Variants in EEIG2 observed in about 807,000 individuals in gnomAD.
EEIG2 encodes family with sequence similarity 102 member B.
chr1:108,628,753 G>A, the EEIG2 span: 2 of 1,613,444 alleles, frequency 1.2e-6, no homozygotes, highest in African/African-American at 1.3e-5. Context: ...AGATGACATT[G>A]TAGAGAAAAT....
At chr1:108,590,386 T>G in the EEIG2 span, among the ~76,000 whole-genome samples, 1 of 152,240 alleles carries the variant, frequency 6.6e-6, no homozygotes, top group African/African-American at 2.4e-5. Context: ...AATCTTTCCT[T>G]ATAAATTTGA....
the EEIG2 span, among the ~76,000 whole-genome samples, chr1:108,609,297 T>C: frequency 1.3e-5 from 2 of 152,158 alleles, no homozygotes; most frequent in Admixed American, 6.5e-5. Context: ...TCCCCTGCAT[T>C]TGTGGAGCTT....
chr1:108,614,750 C>T, the EEIG2 span, among the ~76,000 whole-genome samples: 2 of 152,188 alleles, frequency 1.3e-5, no homozygotes, highest in African/African-American at 4.8e-5. Context: ...GAATCATCCT[C>T]ATCAACATAT....
chr1:108,598,054 G>A, the EEIG2 span, among the ~76,000 whole-genome samples: 2 of 151,978 alleles, frequency 1.3e-5, no homozygotes, highest in Non-Finnish European at 2.9e-5. Flanking sequence ...ATTCTAGGCC[G>A]GACACCGTGG....
chr1:108,583,130 A>G, the EEIG2 span, among the ~76,000 whole-genome samples: 4 of 152,054 alleles, frequency 2.6e-5, no homozygotes, highest in Non-Finnish European at 5.9e-5. Flanking sequence ...AAACCAAATT[A>G]CATACATAAT....
the EEIG2 span, among the ~76,000 whole-genome samples, chr1:108,571,749 A>G: frequency 6.6e-6 from 1 of 152,130 alleles, no homozygotes; most frequent in Non-Finnish European, 1.5e-5. Flanking sequence ...CTAGGAGGTC[A>G]TGCCTTCTTT....
At chr1:108,579,772 T>TGGGAGAGAGAGAGAGAGA in the EEIG2 span, among the ~76,000 whole-genome samples, 1 of 58,822 alleles carries the variant, frequency 1.7e-5, no homozygotes, top group African/African-American at 6.5e-5. Context: ...TGTGTGTGTG[T>TGGGAGAGAGAGAGAGAGA]GAGAGAGAGA....
At chr1:108,572,986 A>G in the EEIG2 span, among the ~76,000 whole-genome samples, 1 of 152,234 alleles carries the variant, frequency 6.6e-6, no homozygotes, top group African/African-American at 2.4e-5. Flanking sequence ...TGGATATACT[A>G]TGGTTTACCC....
chr1:108,602,932 T>C, the EEIG2 span, among the ~76,000 whole-genome samples: 1 of 150,040 alleles, frequency 6.7e-6, no homozygotes, highest in African/African-American at 2.5e-5. Flanking sequence ...AAGGACTTCA[T>C]GTCTTTTTTT....
At chr1:108,614,517 T>C in the EEIG2 span, among the ~76,000 whole-genome samples, 2 of 152,038 alleles carry the variant, frequency 1.3e-5, no homozygotes, top group African/African-American at 2.4e-5. Context: ...CCTTATCCTA[T>C]TGAGAAAACA....
At chr1:108,638,567 T>C in the EEIG2 span, 1 of 152,206 alleles carries the variant, frequency 6.6e-6, no homozygotes, top group South Asian at 2.1e-4. Context: ...GGGGTTGCAT[T>C]TTATTTTCTT....
At chr1:108,563,420 A>T in the EEIG2 span, among the ~76,000 whole-genome samples, 1 of 152,216 alleles carries the variant, frequency 6.6e-6, no homozygotes, top group African/African-American at 2.4e-5. Context: ...CTTAGCCATG[A>T]GTAGGACTGT....
At chr1:108,560,391 C>A in the EEIG2 span, 1 of 1,528,332 alleles carries the variant, frequency 6.5e-7, no homozygotes, top group South Asian at 1.2e-5. Context: ...CGGCGGCGCC[C>A]GGCCGTGCGC....
chr1:108,579,768 T>TGAGAGAGAGAGAGAGAGAGAGAGA, the EEIG2 span, among the ~76,000 whole-genome samples: 22 of 14,378 alleles, frequency 1.5e-3, no homozygotes, highest in Admixed American at 6.7e-3. Context: ...TGTGTGTGTG[T>TGAGAGAGAGAGAGAGAGAGAGAGA]GTGTGAGAGA....
chr1:108,574,871 A>G, the EEIG2 span, among the ~76,000 whole-genome samples: 1 of 152,222 alleles, frequency 6.6e-6, no homozygotes, highest in African/African-American at 2.4e-5. Flanking sequence ...GTACATTAGT[A>G]TATTCAACTA....
At chr1:108,592,755 T>G in the EEIG2 span, among the ~76,000 whole-genome samples, 1 of 152,162 alleles carries the variant, frequency 6.6e-6, no homozygotes, top group Non-Finnish European at 1.5e-5. Flanking sequence ...ACTTTGCAGA[T>G]TTGGAAATGG....
the EEIG2 span, among the ~76,000 whole-genome samples, chr1:108,583,626 T>G: frequency 6.6e-6 from 1 of 152,132 alleles, no homozygotes; most frequent in Non-Finnish European, 1.5e-5. Flanking sequence ...TATTGCTAAT[T>G]CTGTGCTGTT....
At chr1:108,613,482 T>G in the EEIG2 span, among the ~76,000 whole-genome samples, 1 of 152,202 alleles carries the variant, frequency 6.6e-6, no homozygotes, top group Non-Finnish European at 1.5e-5. Flanking sequence ...TGACAATGTT[T>G]TCATTGGAAA....
At chr1:108,596,837 C>T in the EEIG2 span, among the ~76,000 whole-genome samples, 2 of 151,958 alleles carry the variant, frequency 1.3e-5, no homozygotes, top group East Asian at 1.9e-4. Context: ...CTGTTGGACT[C>T]AAGTGATTCT....
Sources: gnomAD v4.1 joint callset for allele counts (sites outside exome capture counted in the v4.1 genomes callset) on GRCh38, gnomAD v4.1.1 for gene constraint, MANE v1.5 for transcripts, NCBI Gene and HGNC (gene_info 2026-07-23, HGNC 2026-07-21) for gene names.